The following CHD6 variants were observed in gnomAD, a reference collection of about 807,000 sequenced individuals.
The protein encoded by CHD6 is chromodomain helicase DNA binding protein 6.
CHD6 carries 50 observed loss-of-function variants against 276.9 expected under a neutral mutation model. That is an observed-to-expected ratio of 0.18 (90% CI 0.14 to 0.23). CHD6 has a LOEUF of 0.23. Among genes scored for constraint, CHD6 ranks in the 10% least tolerant of loss-of-function variants. The probability of loss-of-function intolerance (pLI) is 1.00; values close to 1 mark genes in which losing one functional copy is unlikely to be tolerated. For synonymous variants in CHD6, 1,173 were observed against 1,229.3 expected, an observed-to-expected ratio of 0.95 and a Z score of 0.96; for missense variants, 2,564 against 3,365.8, an observed-to-expected ratio of 0.76 and a Z score of 5.89.
chr20:41,603,408 A>G (rs557563202), intron 1 of CHD6, among the ~76,000 whole-genome samples: 1 of 152,360 alleles, frequency 6.6e-6, no homozygotes, highest in South Asian at 2.1e-4. Flanking sequence ...TACTAGGCAC[A>G]ATATAGTGTT....
Position 41,493,447 on chromosome 20 carries a change from C to A in CHD6, c.1314+91G>T, listed in dbSNP as rs1482329089. ...CAAAGGTAAAATACCACAGAAACCA[C>A]CTAGGAACAAGCCAGGTGGACTTCC... On this transcript the variant is annotated intron_variant, in intron 10 of 36. Transcript: ENST00000373233. 3.8e-6 allele frequency: 5 copies of A among 1,319,056 alleles called. No homozygotes were observed. The East Asian group carries it at 1.2e-4, about 31-fold the overall frequency. The allele number at this position is 1,319,056 out of a possible 1,614,324, so 81.7% of individuals were successfully genotyped here.
At chr20:41,431,826 G>C (rs1246965011) in intron 27 of CHD6, among the ~76,000 whole-genome samples, 1 of 138,930 alleles carries the variant, frequency 7.2e-6, no homozygotes, top group Non-Finnish European at 1.5e-5. Flanking sequence ...GTAAAGAAGC[G>C]GGCTACCCGG....
chr20:41,419,269 G>T (rs2047102007), intron 31 of CHD6, among the ~76,000 whole-genome samples: 1 of 151,968 alleles, frequency 6.6e-6, no homozygotes. Context: ...AAGACGAGGA[G>T]TTTAAAAATA....
chr20:41,566,589 C>T (rs970617188), intron 1 of CHD6, among the ~76,000 whole-genome samples: 1 of 152,158 alleles, frequency 6.6e-6, no homozygotes, highest in Admixed American at 6.5e-5. Flanking sequence ...TTCTTATGCC[C>T]AAGTAGAGGA....
At chr20:41,435,903 G>A (rs1407290015) in intron 27 of CHD6, among the ~76,000 whole-genome samples, 1 of 151,896 alleles carries the variant, frequency 6.6e-6, no homozygotes, top group South Asian at 2.1e-4. Flanking sequence ...ACTGACAGAG[G>A]AAAAGACAAA....
rs2046584110 is a variant in CHD6 at position 41,403,415 on chromosome 20, G to A, written c.*1178C>T. 9.4e-7 allele frequency: 1 copy of A among 1,061,902 alleles called. No homozygotes were observed. The highest frequency in any genetic ancestry group is 1.1e-6 in the Non-Finnish European group (1 of 877,102). The allele number at this position is 1,061,902 out of a possible 1,614,324, so 65.8% of individuals were successfully genotyped here. On this transcript the variant is annotated 3_prime_UTR_variant, in exon 37 of 37. Transcript: ENST00000373233. The stretch of plus-strand genomic sequence containing the variant: ...TTCTTTCTCAGTTCCTAAACATGGA[G>A]AAGCTGAGGAAGAAGAGAAAATAAT...
rs2046642660 is a variant in CHD6, at chr20:41,405,337, G to A, written c.7404C>T (p.Phe2468=). ...ADSPSGMGPL[F]MNGLIAGMDL... ...CCATCCCAGCAATCAGTCCATTCAT[G>A]AACAGTGGCCCCATTCCAGAGGGAG... The change falls in exon 37 of 37, where the codon TTC becomes TTT. Residue 2468 remains phenylalanine, a synonymous_variant. Transcript: ENST00000373233. 1 of 1,614,096 alleles carries A rather than the reference G, an allele frequency of 6.2e-7. No individual in the cohort carries two copies. Among genetic ancestry groups the A allele is most frequent in the Non-Finnish European group, 8.5e-7 (1 of 1,180,048 alleles).
intron 1 of CHD6, among the ~76,000 whole-genome samples, chr20:41,611,740 C>T (rs751850051): frequency 5.9e-5 from 9 of 152,086 alleles, no homozygotes; most frequent in Admixed American, 1.3e-4. Context: ...CCGGTTCAAG[C>T]GATTCTCCTG....
At chr20:41,412,965 G>T (rs1222023218) in intron 35 of CHD6, among the ~76,000 whole-genome samples, 1 of 152,176 alleles carries the variant, frequency 6.6e-6, no homozygotes, top group Non-Finnish European at 1.5e-5. Context: ...AACTTGAAAA[G>T]AATTCAAAGG....
At chr20:41,424,326 T>C (rs2047293188) in intron 29 of CHD6, among the ~76,000 whole-genome samples, 4 of 152,150 alleles carry the variant, frequency 2.6e-5, no homozygotes, top group Admixed American at 2.6e-4. Context: ...GTCAATGACT[T>C]AAGGGAGGTG....
At chr20:41,532,960 G>A (rs949376986) in intron 3 of CHD6, 90 bp downstream of exon 3, 1 of 1,409,008 alleles carries the variant, frequency 7.1e-7, no homozygotes, top group Non-Finnish European at 9.5e-7. Context: ...AGTGCAGCAG[G>A]GTTATGCCTA....
chr20:41,611,677 C>A (rs547506320), intron 1 of CHD6, among the ~76,000 whole-genome samples: 2 of 151,870 alleles, frequency 1.3e-5, no homozygotes, highest in Non-Finnish European at 2.9e-5. Flanking sequence ...GGCTGGAGTG[C>A]GATGGCGTGA....
chr20:41,547,368 C>T lies in CHD6; in HGVS notation c.33+3937G>A, dbSNP rs551520705. ...TTCCAGCTCAAAGGAGGCCAAGGTGCAACTTCTTTCAGTCGTCCTGAATCG... is the reference window on the plus strand; with the variant it reads ...TTCCAGCTCAAAGGAGGCCAAGGTGTAACTTCTTTCAGTCGTCCTGAATCG... On this transcript the variant is annotated intron_variant, in intron 2 of 36. Coordinates refer to ENST00000373233, the MANE Select transcript of CHD6 (RefSeq NM_032221.5). The T allele has an allele frequency of 4.2e-5, 9 of 214,366 alleles. No homozygotes were observed. In the South Asian group the frequency reaches 6.8e-4, roughly 16 times the overall value. The allele number at this position is 214,366 out of a possible 1,614,324, so 13.3% of individuals were successfully genotyped here. A position where few individuals can be genotyped will look rare whatever the true frequency, so the allele number is the denominator to read the frequency against.
intron 1 of CHD6, among the ~76,000 whole-genome samples, chr20:41,584,512 G>A (rs1020753358): frequency 6.6e-6 from 1 of 152,000 alleles, no homozygotes; most frequent in African/African-American, 2.4e-5. Context: ...CACCCTACAA[G>A]AGCAGAATAT....
chr20:41,532,878 T>G (rs568049172), intron 3 of CHD6, among the ~76,000 whole-genome samples, 172 bp downstream of exon 3: 1 of 152,342 alleles, frequency 6.6e-6, no homozygotes, highest in East Asian at 1.9e-4. Flanking sequence ...GGACAGCCCC[T>G]TGCATTAGCA....
chr20:41,537,991 T>C (rs919081098), intron 2 of CHD6, among the ~76,000 whole-genome samples: 26 of 152,204 alleles, frequency 1.7e-4, no homozygotes, highest in Admixed American at 5.9e-4. Flanking sequence ...ACTCCATCCA[T>C]CGACAGACGA....
chr20:41,560,992 CA>C (rs1273492277), intron 1 of CHD6, among the ~76,000 whole-genome samples: 2 of 152,064 alleles, frequency 1.3e-5, no homozygotes, highest in Admixed American at 1.3e-4. Context: ...CGATTTTAGG[CA>C]TTATTTTATT....
At position 41,452,747 on chromosome 20, in the gene CHD6, T is replaced by C. The variant is rs1569094288; in HGVS notation, c.3316A>G (p.Ile1106Val). The C allele has an allele frequency of 3.1e-6, 5 of 1,612,500 alleles. No individual in the cohort carries two copies. Among genetic ancestry groups the C allele is most frequent in the African/African-American group, 1.3e-5 (1 of 74,488 alleles). ...ECFRVEKNLL[I>V]FGWGRWKDIL... ...AGCAGAGCCAATACCCACCCAAAGA[T>C]GAGCAGGTTCTTCTCTACCCGGAAG... The change falls in exon 21 of 37, where the codon ATC (isoleucine) becomes GTC (valine). Residue 1106 changes from isoleucine (I) to valine (V), a missense_variant. By Grantham distance (29) the Ile-to-Val change is conservative. Around this residue, in one of 7 missense-constraint regions of CHD6, gnomAD observed 515 missense variants for 739.5 expected, o/e 0.70. Transcript: ENST00000373233. The surrounding 1 kb of genome is among the most constrained non-coding windows in gnomAD (Gnocchi z 4.2).
At chr20:41,573,293 T>A (rs2045438905) in intron 1 of CHD6, among the ~76,000 whole-genome samples, 1 of 152,244 alleles carries the variant, frequency 6.6e-6, no homozygotes, top group Non-Finnish European at 1.5e-5. Context: ...TGAGGCAGTG[T>A]CATACTCGCC....
Sources: gnomAD v4.1 joint callset for allele counts (sites outside exome capture counted in the v4.1 genomes callset) on GRCh38, gnomAD v4.1.1 for gene constraint, gnomAD v4.1.1 regional missense constraint, Gnocchi (gnomAD v3.1) non-coding constraint, MANE v1.5 for transcripts, NCBI Gene and HGNC (gene_info 2026-07-23, HGNC 2026-07-21) for gene names.